Variants in ANKRD23 observed in about 807,000 individuals in gnomAD.
The protein encoded by ANKRD23 is ankyrin repeat domain 23, also known as ankyrin repeat domain-containing protein 23.
ANKRD23 carries 52 observed loss-of-function variants against 38.1 expected under a neutral mutation model. The ratio of observed to expected loss-of-function variants is 1.36; its 90% CI spans 1.09 to 1.72. The LOEUF (loss-of-function observed/expected upper bound fraction) is 1.72. Among genes scored for constraint, ANKRD23 ranks in the 40% most tolerant of loss-of-function variants. ANKRD23 has a pLI of 0.00. For missense variants in ANKRD23, 416 were observed against 400.2 expected, an observed-to-expected ratio of 1.04 and a Z score of -0.34; for synonymous variants, 167 against 162.9, an observed-to-expected ratio of 1.03 and a Z score of -0.19.
Position 96,838,499 on chromosome 2 carries a change from C to T in ANKRD23, c.*1050G>A, listed in dbSNP as rs1259066733. 1.0e-6 allele frequency: 1 copy of T among 985,988 alleles called. No individual in the cohort carries two copies. The highest frequency in any genetic ancestry group is 1.2e-6 in the Non-Finnish European group (1 of 830,222). The allele number at this position is 985,988 out of a possible 1,614,324, so 61.1% of individuals were successfully genotyped here. A position where few individuals can be genotyped will look rare whatever the true frequency, so the allele number is the denominator to read the frequency against. ...GGGCTGGGGGGCGGCGGGGGCTCAC[C>T]TTCCTCTGCTTCCCTGTGGGCTGGG... On this transcript the variant is annotated 3_prime_UTR_variant, in exon 9 of 9. Transcript: ENST00000318357.
Position 96,841,155 on chromosome 2 carries a change from G to T in ANKRD23, c.301-243C>A. 6.5e-6 allele frequency: 3 copies of T among 463,476 alleles called. No homozygotes were observed. The South Asian group carries it at 8.7e-5, about 13-fold the overall frequency. The allele number at this position is 463,476 out of a possible 1,614,324, so 28.7% of individuals were successfully genotyped here. On this transcript the variant is annotated intron_variant, in intron 3 of 8. Coordinates refer to ENST00000318357, the MANE Select transcript of ANKRD23 (RefSeq NM_144994.8). ...GATTCGTATGAAGTACTAACCCCAG[G>T]TACCTCAGAATGTGACCTTATTTGG... is the stretch of plus-strand genomic sequence containing the variant.
chr2:96,842,171 G>A lies in ANKRD23; in HGVS notation c.189C>T (p.Asn63=). 1 of 1,614,196 alleles carries A rather than the reference G, an allele frequency of 6.2e-7. No homozygotes were observed. The part of the protein sequence containing the change: ...EEKKKKLERF[N]STRFNLDNLA... ...GGTTATCCAGATTAAATCTGGTACT[G>A]TTAAATCTTTCAAGCTGGGGCAGAA... The change falls in exon 3 of 9, where the codon AAC becomes AAT. Residue 63 remains asparagine, a synonymous_variant. Transcript: ENST00000318357.
chr2:96,841,947 C>A, intron 3 of ANKRD23, 113 bp downstream of exon 3: 1 of 1,487,734 alleles, frequency 6.7e-7, no homozygotes. Context: ...TTAATGGGCT[C>A]CCCAGGCACT....
Position 96,839,571 on chromosome 2 carries a change from G to A in ANKRD23, c.896C>T (p.Ala299Val), listed in dbSNP as rs967214847. 1 of 1,466,226 alleles carries A rather than the reference G, an allele frequency of 6.8e-7. No individual in the cohort carries two copies. The highest frequency in any genetic ancestry group is 9.0e-7 in the Non-Finnish European group (1 of 1,112,896). The allele number at this position is 1,466,226 out of a possible 1,614,324, so 90.8% of individuals were successfully genotyped here. ...GIREALQAHVAHPRTRC is the reference protein window; with the variant it reads ...GIREALQAHVVHPRTRC ...CGGTCAGCACCGGGTGCGGGGATGC[G>A]CCACGTGGGCCTGCAGGGCCTCCCG... Residue 299 changes from alanine to valine, a missense_variant, in exon 9 of 9, where the codon GCG becomes GTG. By Grantham distance (64) the Ala-to-Val change is moderately conservative. Coordinates refer to ENST00000318357, the MANE Select transcript of ANKRD23 (RefSeq NM_144994.8).
chr2:96,839,302 T>TTG lies in ANKRD23; in HGVS notation c.*245_*246dup. 8.1e-7 allele frequency: 1 copy of TTG among 1,229,008 alleles called. No homozygotes were observed. The highest frequency in any genetic ancestry group is 1.0e-6 in the Non-Finnish European group (1 of 986,286). 76.1% of individuals were successfully genotyped at this position (1,229,008 alleles called of 1,614,324 possible). On this transcript the variant is annotated 3_prime_UTR_variant, in exon 9 of 9. Transcript: ENST00000318357. ...ATCTGGACCCGCGCTTTCTGCTGCC[T>TTG]TGTGGTCCTCTGCTCCAGCCCTGGG...
At chr2:96,843,458 C>G (rs2079782487) in intron 1 of ANKRD23, among the ~76,000 whole-genome samples, 1 of 152,200 alleles carries the variant, frequency 6.6e-6, no homozygotes, top group Non-Finnish European at 1.5e-5. Flanking sequence ...CTGGCCATTT[C>G]CAGAGCAACA....
chr2:96,842,189 GGGCAGAAGACAAGACCATGCCA>G lies in ANKRD23; in HGVS notation c.175-26_175-5del. ...TGGTACTGTTAAATCTTTCAAGCTGGGGCAGAAGACAAGACCATGCCAGCCATCAGCCGCTGGTCAAGAGATC... is the reference window on the plus strand; with the variant it reads ...TGGTACTGTTAAATCTTTCAAGCTGGGCCATCAGCCGCTGGTCAAGAGATC... On this transcript the variant is annotated splice_region_variant and splice_polypyrimidine_tract_variant and intron_variant, in intron 2 of 8. Coordinates refer to ENST00000318357, the MANE Select transcript of ANKRD23 (RefSeq NM_144994.8). The G allele has an allele frequency of 6.2e-7, 1 of 1,614,024 alleles. No homozygotes were observed. Among genetic ancestry groups the G allele is most frequent in the Admixed American group, 1.7e-5 (1 of 60,014 alleles).
At chr2:96,843,854 C>A in intron 1 of ANKRD23, 112 bp downstream of exon 1, 1 of 1,007,564 alleles carries the variant, frequency 9.9e-7, no homozygotes, top group Non-Finnish European at 1.5e-6. Flanking sequence ...TGCTTCCCTG[C>A]ACCTAAGACT....
At chr2:96,841,176 T>C in intron 3 of ANKRD23, 1 of 408,640 alleles carries the variant, frequency 2.4e-6, no homozygotes, top group Non-Finnish European at 4.4e-6. Flanking sequence ...TGTGACCTTA[T>C]TTGGAAACAG....
Position 96,838,332 on chromosome 2 carries a change from A to G in ANKRD23, c.*1217T>C, listed in dbSNP as rs2153358228. The G allele has an allele frequency of 1.0e-6, 1 of 984,948 alleles. No individual in the cohort carries two copies. The highest frequency in any genetic ancestry group is 1.2e-6 in the Non-Finnish European group (1 of 827,346). 61.0% of individuals were successfully genotyped at this position (984,948 alleles called of 1,614,324 possible). A position where few individuals can be genotyped will look rare whatever the true frequency, so the allele number is the denominator to read the frequency against. On this transcript the variant is annotated 3_prime_UTR_variant, in exon 9 of 9. Transcript: ENST00000318357. ...TCAGTTTAGGGCAGAGCTTCTTAAGATTCACTTTCTGGCGTTTAGGGGCCC... is the reference window on the plus strand; with the variant it reads ...TCAGTTTAGGGCAGAGCTTCTTAAGGTTCACTTTCTGGCGTTTAGGGGCCC...
intron 1 of ANKRD23, among the ~76,000 whole-genome samples, chr2:96,843,345 A>G (rs919026055): frequency 6.6e-6 from 1 of 152,094 alleles, no homozygotes. Context: ...CACACCCTCC[A>G]GGCCCCTCGT....
intron 3 of ANKRD23, 54 bp from the exon 4 acceptor site, chr2:96,840,966 G>A: frequency 2.1e-5 from 34 of 1,597,952 alleles, no homozygotes; most frequent in Non-Finnish European, 2.8e-5. Context: ...AGGTGCCCAA[G>A]ATGTCACAGC....
intron 3 of ANKRD23, 117 bp downstream of exon 3, chr2:96,841,943 G>GGCTC (rs1237250779): frequency 6.9e-7 from 1 of 1,458,910 alleles, no homozygotes; most frequent in Admixed American, 2.0e-5. Flanking sequence ...GGATTTAATG[G>GGCTC]GCTCCCCAGG....
rs1396843028 is a variant in ANKRD23, at chr2:96,839,297, C to T, written c.*252G>A. 2.5e-6 allele frequency: 3 copies of T among 1,222,204 alleles called. No individual in the cohort carries two copies. The highest frequency in any genetic ancestry group is 6.7e-5 in the East Asian group (2 of 30,052). 75.7% of individuals were successfully genotyped at this position (1,222,204 alleles called of 1,614,324 possible). A position where few individuals can be genotyped will look rare whatever the true frequency, so the allele number is the denominator to read the frequency against. On this transcript the variant is annotated 3_prime_UTR_variant, in exon 9 of 9. Coordinates refer to ENST00000318357, the MANE Select transcript of ANKRD23 (RefSeq NM_144994.8). The stretch of plus-strand genomic sequence containing the variant: ...CCCTCATCTGGACCCGCGCTTTCTG[C>T]TGCCTTGTGGTCCTCTGCTCCAGCC...
At chr2:96,840,683 A>T in intron 4 of ANKRD23, 104 bp downstream of exon 4, 1 of 1,554,824 alleles carries the variant, frequency 6.4e-7, no homozygotes, top group South Asian at 1.2e-5. Flanking sequence ...CATGCCCATA[A>T]GAGTGAAAAT....
intron 1 of ANKRD23, among the ~76,000 whole-genome samples, chr2:96,842,936 C>T (rs1159671152): frequency 2.0e-5 from 3 of 152,180 alleles, no homozygotes. Context: ...ACAGAGAAGT[C>T]CCCCCGGGGT....
In ANKRD23 at chr2:96,838,650, A is replaced by T; in HGVS notation, c.*899T>A. On this transcript the variant is annotated 3_prime_UTR_variant, in exon 9 of 9. Coordinates refer to ENST00000318357, the MANE Select transcript of ANKRD23 (RefSeq NM_144994.8). ...TAAGGGGACATAAGGGCCTCAGGCA[A>T]ACTAGGGTTACGGGCCACTGCCCCA... 1.0e-6 allele frequency: 1 copy of T among 985,510 alleles called. No homozygotes were observed. Among genetic ancestry groups the T allele is most frequent in the Non-Finnish European group, 1.2e-6 (1 of 829,988 alleles). 61.0% of individuals were successfully genotyped at this position (985,510 alleles called of 1,614,324 possible).
Position 96,840,491 on chromosome 2 carries a change from C to T in ANKRD23, c.450G>A (p.Trp150Ter), listed in dbSNP as rs369279629. The T allele has an allele frequency of 1.1e-4, 172 of 1,613,872 alleles. No individual in the cohort carries two copies. The highest frequency in any genetic ancestry group is 1.4e-4 in the Non-Finnish European group (163 of 1,180,042). ...HDKLHRTALH[W>*]ACLKGHSQLV... ...GCTGGCTGTGACCCTTCAGACAGGC[C>T]CAGTGCAAGGCGGTGCGGTGGAGCT... The change falls in exon 5 of 9, where the codon TGG (tryptophan) becomes TGA (stop). Residue 150 changes from tryptophan (W) to a stop codon, truncating the protein, a stop_gained. Coordinates refer to ENST00000318357, the MANE Select transcript of ANKRD23 (RefSeq NM_144994.8). LOFTEE classifies it high-confidence loss of function.
chr2:96,839,565 G>T lies in ANKRD23; in HGVS notation c.902C>A (p.Pro301His), dbSNP rs570323112. ...GTGCTGCGGTCAGCACCGGGTGCGGGGATGCGCCACGTGGGCCTGCAGGGC... is the reference window on the plus strand; with the variant it reads ...GTGCTGCGGTCAGCACCGGGTGCGGTGATGCGCCACGTGGGCCTGCAGGGC... ...REALQAHVAH[P>H]RTRC The change falls in exon 9 of 9, where the codon CCC (proline) becomes CAC (histidine). Residue 301 changes from proline to histidine, a missense_variant. Physicochemically the swap from Pro to His is moderately conservative, Grantham distance 77. Transcript: ENST00000318357. 1.3e-4 allele frequency: 195 copies of T among 1,464,112 alleles called. No individual in the cohort carries two copies. Among genetic ancestry groups the T allele is most frequent in the Non-Finnish European group, 1.7e-4 (187 of 1,112,074 alleles). 90.7% of individuals were successfully genotyped at this position (1,464,112 alleles called of 1,614,324 possible). A position where few individuals can be genotyped will look rare whatever the true frequency, so the allele number is the denominator to read the frequency against.
Sources: gnomAD v4.1 joint callset for allele counts (sites outside exome capture counted in the v4.1 genomes callset) on GRCh38, gnomAD v4.1.1 for gene constraint, MANE v1.5 for transcripts, NCBI Gene and HGNC (gene_info 2026-07-23, HGNC 2026-07-21) for gene names.